UTS2B: variants seen among roughly 807,000 people sequenced by gnomAD.
The protein encoded by UTS2B is urotensin-2B.
In UTS2B, 21 loss-of-function variants were observed where a neutral mutation model predicts 19.2. The observed-to-expected ratio is 1.09, with a 90% CI of 0.78 to 1.58. The LOEUF is 1.58. Ranked by LOEUF, UTS2B falls within the 40% of genes most tolerant of loss-of-function variation. The pLI is 0.00. For synonymous variants in UTS2B, 57 were observed against 50.2 expected (o/e 1.14, Z -0.58); for missense variants, 138 against 130.3 (o/e 1.06, Z -0.29).
chr3:191,302,525 G>A (rs1717031553), intron 4 of UTS2B, among the ~76,000 whole-genome samples: 1 of 152,132 alleles, frequency 6.6e-6, no homozygotes, highest in South Asian at 2.1e-4. Flanking sequence ...CAAAGCCATG[G>A]ACCCATGTGG....
chr3:191,291,732 G>A (rs1030963647), intron 4 of UTS2B, among the ~76,000 whole-genome samples: 6 of 152,226 alleles, frequency 3.9e-5, no homozygotes, highest in South Asian at 2.1e-4. Context: ...GATTACATGC[G>A]TGAGCCACCG....
chr3:191,343,169 T>C, the UTS2B span, among the ~76,000 whole-genome samples: 1 of 152,218 alleles, frequency 6.6e-6, no homozygotes, highest in Admixed American at 6.5e-5. Flanking sequence ...TTGGTATCTG[T>C]GGGGGTGCTG....
At chr3:191,317,388 A>G in intron 2 of UTS2B, among the ~76,000 whole-genome samples, 1 of 152,074 alleles carries the variant, frequency 6.6e-6, no homozygotes, top group East Asian at 1.9e-4. Flanking sequence ...CTCTCCCTCC[A>G]CACCTCCCTG....
chr3:191,338,184 T>C, the UTS2B span, among the ~76,000 whole-genome samples: 2 of 152,250 alleles, frequency 1.3e-5, no homozygotes, highest in African/African-American at 4.8e-5. Flanking sequence ...AAATTCTGTT[T>C]TGTTTATTGA....
chr3:191,275,383 A>G, intron 7 of UTS2B, 38 bp from the exon 8 acceptor site: 1 of 1,558,246 alleles, frequency 6.4e-7, no homozygotes, highest in Non-Finnish European at 8.8e-7. Context: ...TTGGTCTTCT[A>G]TAAAACCATG....
At chr3:191,273,673 C>G (rs757915442) in intron 8 of UTS2B, 61 of 406,028 alleles carry the variant, frequency 1.5e-4, no homozygotes, top group Non-Finnish European at 2.4e-4. Flanking sequence ...ACCTAATAGC[C>G]TAAGCTATAC....
intron 4 of UTS2B, among the ~76,000 whole-genome samples, chr3:191,301,055 C>A (rs1031417540): frequency 2.0e-4 from 31 of 152,182 alleles, no homozygotes; most frequent in African/African-American, 7.2e-4. Context: ...ATCACTTTTT[C>A]TTCTTTATTT....
intron 4 of UTS2B, chr3:191,282,539 T>C (rs748891534): frequency 1.4e-4 from 24 of 169,516 alleles, no homozygotes; most frequent in Middle Eastern, 2.6e-3. Flanking sequence ...CATCTTGAAA[T>C]AAAAAACTGT....
chr3:191,282,066 T>C (rs1432828463), intron 5 of UTS2B, 21 bp downstream of exon 5: 3 of 1,543,494 alleles, frequency 1.9e-6, no homozygotes, highest in Non-Finnish European at 2.7e-6. Flanking sequence ...CCTGTAGGAT[T>C]TTTAATTGAT....
At chr3:191,294,190 G>C (rs952672234) in intron 4 of UTS2B, among the ~76,000 whole-genome samples, 3 of 151,968 alleles carry the variant, frequency 2.0e-5, no homozygotes, top group South Asian at 2.1e-4. Flanking sequence ...TTCAAGTCAA[G>C]GATTAGACAT....
At chr3:191,282,484 C>T (rs1716419139) in intron 4 of UTS2B, 171 bp from the exon 5 acceptor site, 1 of 242,638 alleles carries the variant, frequency 4.1e-6, no homozygotes, top group Admixed American at 5.4e-5. Context: ...GCAAGCATTC[C>T]TATGCATGCC....
chr3:191,296,429 C>A (rs868537876), intron 4 of UTS2B, among the ~76,000 whole-genome samples: 1 of 152,170 alleles, frequency 6.6e-6, no homozygotes, highest in Admixed American at 6.5e-5. Context: ...ATATCTCAAC[C>A]GTAAATCAAT....
intron 3 of UTS2B, among the ~76,000 whole-genome samples, chr3:191,305,326 T>C (rs1717108272): frequency 6.6e-6 from 1 of 152,180 alleles, no homozygotes; most frequent in Non-Finnish European, 1.5e-5. Flanking sequence ...ATCACCAGCA[T>C]CTATTATTTT....
At chr3:191,343,758 C>G in the UTS2B span, among the ~76,000 whole-genome samples, 2 of 152,168 alleles carry the variant, frequency 1.3e-5, no homozygotes, top group Non-Finnish European at 2.9e-5. Context: ...ATTTGTTAAT[C>G]AGAATCCAGG....
At chr3:191,319,075 T>G (rs770841920) in intron 2 of UTS2B, among the ~76,000 whole-genome samples, 72 of 152,170 alleles carry the variant, frequency 4.7e-4, no homozygotes, top group Non-Finnish European at 9.7e-4. Context: ...AGGAAACTTA[T>G]GCCATAGCTG....
At chr3:191,278,014 A>G (rs1343690020) in intron 6 of UTS2B, 58 bp downstream of exon 6, 1 of 899,338 alleles carries the variant, frequency 1.1e-6, no homozygotes, top group African/African-American at 1.8e-5. Flanking sequence ...AGCAAGTCTC[A>G]AGACAAAATA....
rs373754274 is a variant in UTS2B at position 191,329,913 on chromosome 3, C to G, written c.-665+501G>C. On this transcript the variant is annotated intron_variant, in intron 1 of 8. Transcript: ENST00000340524. ...GGACGTTGGGCAAGTCTCCGACGTT[C>G]CAAGCCCGTTTTTTCTCAAGGGGGT... 3.0e-3 allele frequency among the ~76,000 whole-genome samples: 407 copies of G among 137,576 alleles called. 1 individual carries two copies. Among genetic ancestry groups the G allele is most frequent in the African/African-American group, 0.011 (388 of 35,944 alleles). The allele number at this position is 137,576 out of a possible 152,430, so 90.3% of individuals were successfully genotyped here. A position where few individuals can be genotyped will look rare whatever the true frequency, so the allele number is the denominator to read the frequency against.
intron 4 of UTS2B, among the ~76,000 whole-genome samples, chr3:191,300,318 G>C (rs1395568713): frequency 6.6e-6 from 1 of 151,804 alleles, no homozygotes; most frequent in African/African-American, 2.4e-5. Flanking sequence ...AAAGTGCTGG[G>C]ATTACAGGTG....
the UTS2B span, among the ~76,000 whole-genome samples, chr3:191,343,024 C>T: frequency 6.6e-6 from 1 of 152,078 alleles, no homozygotes; most frequent in East Asian, 1.9e-4. Context: ...TCCATTTATA[C>T]ACGGATTTTT....
Sources: allele counts gnomAD v4.1 joint callset (sites outside exome capture counted in the v4.1 genomes callset), GRCh38; gene constraint gnomAD v4.1.1; transcripts MANE v1.5; gene names NCBI Gene and HGNC (gene_info 2026-07-23, HGNC 2026-07-21).